Variants in ANK3 observed in about 807,000 individuals in gnomAD.
The protein encoded by ANK3 is ankyrin 3, also known as ankyrin-3.
A neutral mutation model predicts 370.9 loss-of-function variants in ANK3; 57 were observed. The observed-to-expected ratio is 0.15, with a 90% CI of 0.12 to 0.19. ANK3 has a LOEUF of 0.19. ANK3 is among the 10% of genes least tolerant of loss of function. The pLI is 1.00. For synonymous variants in ANK3, 1,929 were observed against 1,946.3 expected (o/e 0.99, Z 0.23); for missense variants, 4,439 against 5,302.1 (o/e 0.84, Z 5.06).
chr10:60,542,067 C>T (rs2133217161), intron 2 of ANK3, among the ~76,000 whole-genome samples: 1 of 152,030 alleles, frequency 6.6e-6, no homozygotes, highest in South Asian at 2.1e-4. Flanking sequence ...GAAACATCCT[C>T]TCACGTCCCC....
At chr10:60,527,610 A>G (rs1248096908) in intron 2 of ANK3, among the ~76,000 whole-genome samples, 6 of 152,160 alleles carry the variant, frequency 3.9e-5, no homozygotes, top group African/African-American at 7.2e-5. Context: ...CAATTCAAGT[A>G]ACATTTTCTC....
intron 2 of ANK3, among the ~76,000 whole-genome samples, chr10:60,433,482 T>A (rs1039290433): frequency 1.3e-5 from 2 of 151,834 alleles, no homozygotes; most frequent in Non-Finnish European, 1.5e-5. Flanking sequence ...ATCACAGCCA[T>A]GTTGGGAGGC....
chr10:60,587,173 T>A (rs2077844066), intron 2 of ANK3, among the ~76,000 whole-genome samples: 1 of 152,086 alleles, frequency 6.6e-6, no homozygotes, highest in South Asian at 2.1e-4. Context: ...AGCCATCAGA[T>A]CTTGTGAGAA....
chr10:60,302,306 G>A (rs1194735720), intron 1 of ANK3, among the ~76,000 whole-genome samples: 1 of 152,000 alleles, frequency 6.6e-6, no homozygotes, highest in Non-Finnish European at 1.5e-5. Context: ...TAATGTAGAT[G>A]GGGAGGATTT....
intron 2 of ANK3, among the ~76,000 whole-genome samples, chr10:60,397,037 A>G (rs1348282775): frequency 6.6e-6 from 1 of 152,192 alleles, no homozygotes; most frequent in Non-Finnish European, 1.5e-5. Flanking sequence ...GCAAAGGTAC[A>G]AAGGAGATTG....
intron 1 of ANK3, among the ~76,000 whole-genome samples, chr10:60,628,396 C>A (rs1051449147): frequency 6.6e-6 from 1 of 152,184 alleles, no homozygotes; most frequent in Admixed American, 6.6e-5. Flanking sequence ...GCAAGCTGCA[C>A]CTGATAAAGC....
At chr10:60,129,179 A>G (rs1399078660) in intron 25 of ANK3, among the ~76,000 whole-genome samples, 3 of 152,248 alleles carry the variant, frequency 2.0e-5, no homozygotes, top group African/African-American at 4.8e-5. Flanking sequence ...CCAAGCTTCC[A>G]GTGAGAGTTG....
At chr10:60,463,926 C>T (rs2064951655) in intron 2 of ANK3, among the ~76,000 whole-genome samples, 1 of 152,064 alleles carries the variant, frequency 6.6e-6, no homozygotes, top group African/African-American at 2.4e-5. Flanking sequence ...ACATTTTTAA[C>T]TCTCTGCTGA....
intron 2 of ANK3, among the ~76,000 whole-genome samples, chr10:60,484,532 G>A (rs571454384): frequency 6.6e-6 from 1 of 152,084 alleles, no homozygotes; most frequent in East Asian, 1.9e-4. Flanking sequence ...GTAATCAGTG[G>A]TTCATTACAT....
chr10:60,630,497 G>A (rs2078466701), intron 1 of ANK3, among the ~76,000 whole-genome samples: 1 of 152,150 alleles, frequency 6.6e-6, no homozygotes, highest in Non-Finnish European at 1.5e-5. Context: ...AGTAAACAAA[G>A]GCAATTAAGA....
intron 1 of ANK3, among the ~76,000 whole-genome samples, chr10:60,357,195 T>C (rs2057897204): frequency 6.6e-6 from 1 of 152,184 alleles, no homozygotes; most frequent in African/African-American, 2.4e-5. Context: ...CTTGACCTCC[T>C]TCACTCCAAG....
At position 60,074,319 on chromosome 10, in the gene ANK3, G is replaced by T. The variant is rs1031301461; in HGVS notation, c.6562C>A (p.Pro2188Thr). Residue 2188 changes from proline to threonine, a missense_variant, in exon 37 of 44, where the codon CCA (proline) becomes ACA (threonine). Transcript: ENST00000280772. ...GGTTTAGGTGACACAGGCTCCTCTG[G>T]TTGGGTCTGGGGAACATCCCCAGCT... ...PSAGDVPQTQ[P>T]EEPVSPKPSP... 6.2e-7 allele frequency: 1 copy of T among 1,613,996 alleles called. No homozygotes were observed. Among genetic ancestry groups the T allele is most frequent in the Non-Finnish European group, 8.5e-7 (1 of 1,179,976 alleles).
chr10:60,142,786 G>A (rs1310234792), intron 23 of ANK3, among the ~76,000 whole-genome samples: 2 of 152,136 alleles, frequency 1.3e-5, no homozygotes, highest in Non-Finnish European at 2.9e-5. Context: ...TTAGAATGGT[G>A]AGAACATTTC....
At chr10:60,350,918 T>A (rs2056730741) in intron 1 of ANK3, among the ~76,000 whole-genome samples, 1 of 151,964 alleles carries the variant, frequency 6.6e-6, no homozygotes, top group Admixed American at 6.6e-5. Context: ...CCAGGAAGAA[T>A]AATTTAGCTC....
At chr10:60,270,267 CCAGAGA>C in intron 4 of ANK3, 38 bp from the exon 5 acceptor site, 1 of 1,439,990 alleles carries the variant, frequency 6.9e-7, no homozygotes, top group Non-Finnish European at 9.5e-7. Context: ...CTGCAGCTTT[CCAGAGA>C]CAATCTATTT....
chr10:60,175,649 CT>C (rs1163241412), intron 18 of ANK3, among the ~76,000 whole-genome samples: 1 of 152,154 alleles, frequency 6.6e-6, no homozygotes, highest in Non-Finnish European at 1.5e-5. Flanking sequence ...CTTTTTTCCT[CT>C]CTTGATTACC....
chr10:60,524,298 C>A (rs563176875), intron 2 of ANK3, among the ~76,000 whole-genome samples: 1 of 152,094 alleles, frequency 6.6e-6, no homozygotes, highest in Admixed American at 6.6e-5. Context: ...CAACCTGGAA[C>A]CTGGCTATGA....
In ANK3 at chr10:60,073,978, A is replaced by G. The variant is rs746398040; in HGVS notation, c.6903T>C (p.Ser2301=). 4 of 1,613,988 alleles carry G rather than the reference A, an allele frequency of 2.5e-6. No individual in the cohort carries two copies. In the Middle Eastern group the frequency reaches 5.0e-4, roughly 200 times the overall value. The change falls in exon 37 of 44, where the codon TCT becomes TCC. Residue 2301 remains serine, a synonymous_variant. Transcript: ENST00000280772. ...CAGCAGCAGACTTGTGAACATCTGG[A>G]GACACTGCCGACTTATGTTCAAACA... ...AGLFEHKSAV[S]PDVHKSAAET...
intron 36 of ANK3, among the ~76,000 whole-genome samples, chr10:60,078,829 C>T (rs1028478321): frequency 6.6e-5 from 10 of 152,218 alleles, no homozygotes; most frequent in Admixed American, 5.9e-4. Context: ...CCTTGTTTAC[C>T]ACCCTTATGT....
Sources: gnomAD v4.1 joint callset for allele counts (sites outside exome capture counted in the v4.1 genomes callset) on GRCh38, gnomAD v4.1.1 for gene constraint, MANE v1.5 for transcripts, NCBI Gene and HGNC (gene_info 2026-07-23, HGNC 2026-07-21) for gene names.